The following COG2 variants were observed in gnomAD, a reference collection of about 807,000 sequenced individuals.
COG2 encodes component of oligomeric golgi complex 2, also known as conserved oligomeric Golgi complex subunit 2.
COG2 carries 52 observed loss-of-function variants against 90.6 expected under a neutral mutation model. The ratio of observed to expected loss-of-function variants is 0.57; its 90% confidence interval spans 0.46 to 0.72. The LOEUF (loss-of-function observed/expected upper bound fraction) is 0.72. Among genes scored for constraint, COG2 ranks in the 30% least tolerant of loss-of-function variants. The pLI, the probability that COG2 is intolerant of heterozygous loss-of-function variation, is 0.00. For synonymous variants in COG2, 337 were observed against 320.4 expected (o/e 1.05, Z -0.55); for missense variants, 829 against 891.2 (o/e 0.93, Z 0.89).
At position 230,667,134 on chromosome 1, in the gene COG2, G is replaced by T. The variant is rs114325791; in HGVS notation, c.486-1542G>T. ...GTTGATTGGCTTGCATGCCTTCTCA[G>T]TCTATAAGGCCCCTGACATCTTTAC... is the stretch of plus-strand genomic sequence containing the variant. On this transcript the variant is annotated intron_variant, in intron 5 of 17. Coordinates refer to ENST00000366669, the MANE Select transcript of COG2 (RefSeq NM_007357.3). 2.2e-3 allele frequency among the ~76,000 whole-genome samples: 341 copies of T among 152,284 alleles called. 1 individual carries two copies. Among genetic ancestry groups the T allele is most frequent in the South Asian group, 3.7e-3 (18 of 4,828 alleles).
intron 1 of COG2, among the ~76,000 whole-genome samples, chr1:230,645,705 T>C (rs1363791096): frequency 6.6e-6 from 1 of 152,200 alleles, no homozygotes; most frequent in African/African-American, 2.4e-5. Flanking sequence ...TTCACCGTAA[T>C]GTAGAATCAG....
At chr1:230,684,235 C>T (rs1037576822) in intron 11 of COG2, 1 of 152,332 alleles carries the variant, frequency 6.6e-6, no homozygotes, top group African/African-American at 2.4e-5. Context: ...GGGGATATGG[C>T]CCCTTGGTGT....
chr1:230,681,879 A>G (rs1662757235), intron 10 of COG2: 1 of 152,218 alleles, frequency 6.6e-6, no homozygotes, highest in Non-Finnish European at 1.5e-5. Context: ...GTAATCATGT[A>G]TCACTGTCCC....
intron 10 of COG2, chr1:230,680,145 G>A (rs1420798219): frequency 2.0e-5 from 3 of 152,162 alleles, no homozygotes; most frequent in Non-Finnish European, 4.4e-5. Flanking sequence ...GTTGGTATAT[G>A]ATAATCAACA....
intron 17 of COG2, 101 bp downstream of exon 17, chr1:230,691,665 G>A: frequency 8.9e-7 from 1 of 1,119,438 alleles, no homozygotes. Context: ...TGCTGTCGCA[G>A]TGGCTAGGGA....
intron 1 of COG2, among the ~76,000 whole-genome samples, chr1:230,643,685 C>T (rs913232773): frequency 6.6e-6 from 1 of 151,956 alleles, no homozygotes; most frequent in Admixed American, 6.6e-5. Flanking sequence ...TGTATCTTCT[C>T]CAGTGTGACC....
In COG2 at chr1:230,674,960, T is replaced by G. The variant is rs763318786; in HGVS notation, c.900-38T>G. 288 of 1,524,254 alleles carry G rather than the reference T, an allele frequency of 1.9e-4. 1 individual carries two copies. The highest frequency in any genetic ancestry group is 2.3e-4 in the Non-Finnish European group (262 of 1,125,392). 94.4% of individuals were successfully genotyped at this position (1,524,254 alleles called of 1,614,324 possible). A position where few individuals can be genotyped will look rare whatever the true frequency, so the allele number is the denominator to read the frequency against. ...GGAAATTTGCTCTTTGTAAGTAGAT[T>G]ATGGTATATTTTACTGATATGTGCC... On this transcript the variant is annotated intron_variant, in intron 8 of 17. Transcript: ENST00000366669.
At chr1:230,668,806 C>A in intron 6 of COG2, 22 bp downstream of exon 6, 1 of 1,464,644 alleles carries the variant, frequency 6.8e-7, no homozygotes, top group Non-Finnish European at 9.5e-7. Context: ...TTTGGATTTC[C>A]ACAGTTTGGT....
At chr1:230,653,299 C>T (rs1661959423) in intron 1 of COG2, among the ~76,000 whole-genome samples, 1 of 150,932 alleles carries the variant, frequency 6.6e-6, no homozygotes, top group African/African-American at 2.4e-5. Context: ...TGGCTCACTG[C>T]AACCTCTGCC....
At chr1:230,651,833 C>T (rs762384915) in intron 1 of COG2, among the ~76,000 whole-genome samples, 2 of 152,104 alleles carry the variant, frequency 1.3e-5, no homozygotes, top group Non-Finnish European at 2.9e-5. Flanking sequence ...AAAAGTTTAT[C>T]TACCTTAGTA....
intron 1 of COG2, among the ~76,000 whole-genome samples, chr1:230,658,824 CA>C (rs974002848): frequency 1.3e-5 from 2 of 152,172 alleles, no homozygotes; most frequent in Non-Finnish European, 2.9e-5. Flanking sequence ...AGCTCCTGAA[CA>C]TCTTGTTCAA....
chr1:230,659,432 A>G (rs1662134072), intron 1 of COG2, 32 bp from the exon 2 acceptor site: 2 of 1,579,824 alleles, frequency 1.3e-6, no homozygotes, highest in South Asian at 2.2e-5. Context: ...TATCATTGCT[A>G]TAATTTTTTC....
chr1:230,664,619 T>C (rs1275492488), intron 5 of COG2, 32 bp downstream of exon 5: 8 of 1,111,436 alleles, frequency 7.2e-6, no homozygotes, highest in Non-Finnish European at 7.9e-6. Context: ...ACTCGTAAAT[T>C]AATACTTCAC....
chr1:230,645,233 CAAAAAAAAAA>C (rs57806034), intron 1 of COG2, among the ~76,000 whole-genome samples: 2 of 91,064 alleles, frequency 2.2e-5, no homozygotes, highest in African/African-American at 8.4e-5. Context: ...GAGACCCTGT[CAAAAAAAAAA>C]AAAAAAAAAA....
intron 5 of COG2, among the ~76,000 whole-genome samples, chr1:230,668,060 T>C (rs1420824110): frequency 6.6e-6 from 1 of 152,210 alleles, no homozygotes; most frequent in African/African-American, 2.4e-5. Flanking sequence ...GTTATTACTA[T>C]TTAAATTTAA....
chr1:230,692,235 A>G (rs901767294), intron 17 of COG2, among the ~76,000 whole-genome samples: 3 of 152,090 alleles, frequency 2.0e-5, no homozygotes, highest in African/African-American at 7.2e-5. Flanking sequence ...AGCGTCGCAC[A>G]TAGTAGTAGG....
chr1:230,647,062 C>T (rs904916648), intron 1 of COG2, among the ~76,000 whole-genome samples: 5 of 152,058 alleles, frequency 3.3e-5, no homozygotes, highest in Non-Finnish European at 5.9e-5. Context: ...CTTTTCAAAA[C>T]GCATCTCGGT....
chr1:230,693,190 GT>G (rs1296518867), intron 17 of COG2, 101 bp from the exon 18 acceptor site: 1 of 678,442 alleles, frequency 1.5e-6, no homozygotes, highest in Admixed American at 2.5e-5. Context: ...TCAGGGAACT[GT>G]CTTCTGGTTT....
At chr1:230,682,630 C>A (rs1169103675) in intron 10 of COG2, 1 of 152,222 alleles carries the variant, frequency 6.6e-6, no homozygotes, top group Non-Finnish European at 1.5e-5. Flanking sequence ...TCTTTTTACT[C>A]TTCAGACAGT....
Sources: gnomAD v4.1 joint callset for allele counts (sites outside exome capture counted in the v4.1 genomes callset) on GRCh38, gnomAD v4.1.1 for gene constraint, MANE v1.5 for transcripts, NCBI Gene and HGNC (gene_info 2026-07-23, HGNC 2026-07-21) for gene names.